SHISA9: variants seen among roughly 807,000 people sequenced by gnomAD.
SHISA9 encodes the protein protein shisa-9.
Under a neutral mutation model 38.0 loss-of-function variants are expected in SHISA9, and 13 were observed. The ratio of observed to expected loss-of-function variants is 0.34; its 90% CI spans 0.22 to 0.54. The LOEUF is 0.54. Ranked by LOEUF, SHISA9 falls within the 20% of genes least tolerant of loss-of-function variation. The pLI, the probability that SHISA9 is intolerant of heterozygous loss-of-function variation, is 0.91. For synonymous variants in SHISA9, 275 were observed against 242.0 expected, an observed-to-expected ratio of 1.14 and a Z score of -1.27; for missense variants, 538 against 575.8, an observed-to-expected ratio of 0.93 and a Z score of 0.67.
the SHISA9 span, among the ~76,000 whole-genome samples, chr16:13,482,254 G>T: frequency 6.6e-5 from 10 of 152,358 alleles, no homozygotes; most frequent in South Asian, 6.2e-4. Flanking sequence ...TGATTTAACT[G>T]TATCTACTGA....
At chr16:13,364,481 A>G in the SHISA9 span, among the ~76,000 whole-genome samples, 1 of 152,246 alleles carries the variant, frequency 6.6e-6, no homozygotes, top group East Asian at 1.9e-4. Context: ...AATATGCAAG[A>G]TGGTTCTTTT....
the SHISA9 span, among the ~76,000 whole-genome samples, chr16:13,355,725 A>C: frequency 6.6e-6 from 1 of 152,110 alleles, no homozygotes; most frequent in African/African-American, 2.4e-5. Context: ...TAGCCTCCGT[A>C]TTGATTAAGA....
chr16:13,335,461 C>G, the SHISA9 span, among the ~76,000 whole-genome samples: 7 of 152,286 alleles, frequency 4.6e-5, no homozygotes, highest in East Asian at 1.9e-4. Flanking sequence ...GTCCCTTAAA[C>G]AAAGGTGCCC....
At chr16:13,377,374 G>T in the SHISA9 span, among the ~76,000 whole-genome samples, 1 of 152,186 alleles carries the variant, frequency 6.6e-6, no homozygotes, top group South Asian at 2.1e-4. Flanking sequence ...CATGTTTCCA[G>T]ATGCCAATCA....
At chr16:13,533,992 C>T in the SHISA9 span, among the ~76,000 whole-genome samples, 2 of 152,022 alleles carry the variant, frequency 1.3e-5, no homozygotes, top group Non-Finnish European at 2.9e-5. Context: ...ACCGTGTTAG[C>T]CAGGCTGATC....
intron 2 of SHISA9, among the ~76,000 whole-genome samples, chr16:12,970,943 A>G (rs2072073138): frequency 6.6e-6 from 1 of 152,106 alleles, no homozygotes; most frequent in Non-Finnish European, 1.5e-5. Flanking sequence ...GATACATGGG[A>G]GGCACTCGCA....
chr16:13,371,495 T>C, the SHISA9 span, among the ~76,000 whole-genome samples: 1 of 152,186 alleles, frequency 6.6e-6, no homozygotes, highest in Non-Finnish European at 1.5e-5. Context: ...GTGGAGCCAC[T>C]GAGTGATTCC....
At chr16:13,064,111 C>T (rs910235851) in intron 2 of SHISA9, among the ~76,000 whole-genome samples, 10 of 152,226 alleles carry the variant, frequency 6.6e-5, no homozygotes, top group African/African-American at 2.2e-4. Context: ...CACTGTGTTG[C>T]CCAGGCTGGA....
At chr16:13,248,352 C>G in the SHISA9 span, among the ~76,000 whole-genome samples, 3 of 152,232 alleles carry the variant, frequency 2.0e-5, no homozygotes, top group African/African-American at 4.8e-5. Flanking sequence ...TTTACTGTCT[C>G]CCTTCTCCTT....
chr16:13,254,977 C>T, the SHISA9 span, among the ~76,000 whole-genome samples: 1 of 152,180 alleles, frequency 6.6e-6, no homozygotes, highest in Admixed American at 6.5e-5. Flanking sequence ...CCTCACCTCC[C>T]AGGAGGAGCT....
chr16:13,102,828 CTAT>C (rs1479009411), intron 2 of SHISA9, among the ~76,000 whole-genome samples: 1 of 152,192 alleles, frequency 6.6e-6, no homozygotes, highest in Non-Finnish European at 1.5e-5. Context: ...GGAAAAATAA[CTAT>C]TATTCTGCCT....
chr16:13,154,332 G>C (rs937305366), intron 2 of SHISA9, among the ~76,000 whole-genome samples: 1 of 152,162 alleles, frequency 6.6e-6, no homozygotes, highest in Non-Finnish European at 1.5e-5. Context: ...CTCAAAGTGT[G>C]GTTTCTGTTC....
chr16:13,130,120 A>G (rs1036254563), intron 2 of SHISA9, among the ~76,000 whole-genome samples: 3 of 152,206 alleles, frequency 2.0e-5, no homozygotes, highest in African/African-American at 4.8e-5. Context: ...TATTGGCACC[A>G]TGGGCTCTCT....
chr16:13,021,545 C>G (rs2072854235), intron 2 of SHISA9, among the ~76,000 whole-genome samples: 1 of 152,096 alleles, frequency 6.6e-6, no homozygotes, highest in Non-Finnish European at 1.5e-5. Flanking sequence ...AACCCATGTA[C>G]CTGACTCAGA....
the SHISA9 span, among the ~76,000 whole-genome samples, chr16:13,432,855 G>A: frequency 3.5e-4 from 53 of 152,246 alleles, no homozygotes; most frequent in Non-Finnish European, 5.1e-4. Context: ...ATAAATGGGA[G>A]CTAAATGATG....
chr16:13,209,988 C>T (rs1369733541), intron 3 of SHISA9, among the ~76,000 whole-genome samples: 1 of 152,124 alleles, frequency 6.6e-6, no homozygotes, highest in Non-Finnish European at 1.5e-5. Flanking sequence ...GTAGTCTCAG[C>T]TACTTGGGAG....
the SHISA9 span, among the ~76,000 whole-genome samples, chr16:13,289,186 C>T: frequency 6.6e-6 from 1 of 152,206 alleles, no homozygotes; most frequent in South Asian, 2.1e-4. Flanking sequence ...CCACCCTCCT[C>T]TCCTCTTTCT....
intron 2 of SHISA9, among the ~76,000 whole-genome samples, chr16:13,139,540 C>T (rs1253832521): frequency 6.6e-6 from 1 of 151,686 alleles, no homozygotes; most frequent in Non-Finnish European, 1.5e-5. Context: ...TAGAACCACT[C>T]CCTTAAGGAT....
At chr16:13,012,285 C>T (rs567405100) in intron 2 of SHISA9, among the ~76,000 whole-genome samples, 2 of 152,250 alleles carry the variant, frequency 1.3e-5, no homozygotes, top group East Asian at 3.9e-4. Context: ...GAAGATGGGG[C>T]TACCTTAGGT....
Sources: allele counts gnomAD v4.1 joint callset (sites outside exome capture counted in the v4.1 genomes callset), GRCh38; gene constraint gnomAD v4.1.1; transcripts MANE v1.5; gene names NCBI Gene and HGNC (gene_info 2026-07-23, HGNC 2026-07-21).